Variants in AKAIN1 observed in about 807,000 individuals in gnomAD.
AKAIN1 encodes the protein A-kinase anchor inhibitor 1, also known as A-kinase anchor protein inhibitor 1.
In AKAIN1, 3 loss-of-function variants were observed where a neutral mutation model predicts 3.7. That is an observed-to-expected ratio of 0.82 (90% CI 0.37 to 2.12). AKAIN1 has a LOEUF of 2.12. Among genes scored for constraint, AKAIN1 ranks in the 30% most tolerant of loss-of-function variants. AKAIN1 has a pLI of 0.06. For synonymous variants in AKAIN1, 31 were observed against 30.8 expected (o/e 1.01, Z -0.02); for missense variants, 82 against 82.7 (o/e 0.99, Z 0.03).
At chr18:5,168,902 A>G (rs2143344296) in intron 1 of AKAIN1, among the ~76,000 whole-genome samples, 1 of 151,974 alleles carries the variant, frequency 6.6e-6, no homozygotes, top group South Asian at 2.1e-4. Context: ...AAACAACAAC[A>G]AAAAGGGATG....
chr18:5,161,433 T>C (rs2071138829), intron 1 of AKAIN1, among the ~76,000 whole-genome samples: 1 of 152,170 alleles, frequency 6.6e-6, no homozygotes, highest in Non-Finnish European at 1.5e-5. Flanking sequence ...AATAATCTGT[T>C]GAAACTTCCA....
At position 5,155,144 on chromosome 18, in the gene AKAIN1, C is replaced by T. The variant is rs564339555; in HGVS notation, c.17-9389G>A. Reference sequence around the variant, plus strand: ...CAAGTAATCTGCCCACCTCAGCCTCCCAAAGTATTGAGATGACAGGCGCGA... The same window carrying T: ...CAAGTAATCTGCCCACCTCAGCCTCTCAAAGTATTGAGATGACAGGCGCGA... On this transcript the variant is annotated intron_variant, in intron 1 of 1. Coordinates refer to ENST00000434239, the MANE Select transcript of AKAIN1 (RefSeq NM_001145194.2). 4.5e-4 allele frequency among the ~76,000 whole-genome samples: 69 copies of T among 152,186 alleles called. 2 individuals carry two copies. The Middle Eastern group carries it at 0.02, about 45-fold the overall frequency.
chr18:5,182,426 G>A (rs964337349), intron 1 of AKAIN1, among the ~76,000 whole-genome samples: 1 of 151,962 alleles, frequency 6.6e-6, no homozygotes, highest in Admixed American at 6.6e-5. Flanking sequence ...TACCACTCTG[G>A]AAAACAGATA....
At chr18:5,175,229 GC>G (rs1269805293) in intron 1 of AKAIN1, among the ~76,000 whole-genome samples, 1 of 152,080 alleles carries the variant, frequency 6.6e-6, no homozygotes, top group Non-Finnish European at 1.5e-5. Context: ...CCTTAGCAAT[GC>G]CCCACAAGCA....
intron 1 of AKAIN1, among the ~76,000 whole-genome samples, chr18:5,169,012 C>T (rs1379311119): frequency 2.0e-5 from 3 of 151,912 alleles, no homozygotes; most frequent in African/African-American, 7.2e-5. Context: ...GGAAGTGGTT[C>T]ATGTGTTTGT....
chr18:5,185,640 G>A lies in AKAIN1; in HGVS notation c.16+11398C>T, dbSNP rs976439802. 2.0e-5 allele frequency among the ~76,000 whole-genome samples: 3 copies of A among 151,918 alleles called. No homozygotes were observed. In the East Asian group the frequency reaches 5.8e-4, roughly 30 times the overall value. On this transcript the variant is annotated intron_variant, in intron 1 of 1. Transcript: ENST00000434239. Reference sequence around the variant, plus strand: ...CTAGAGAAATGAAAATTAAAACAACGAGGTACCATCCCACAACAATCAGAG... The same window carrying A: ...CTAGAGAAATGAAAATTAAAACAACAAGGTACCATCCCACAACAATCAGAG...
chr18:5,147,352 A>G (rs2071055077), intron 1 of AKAIN1, among the ~76,000 whole-genome samples: 1 of 152,228 alleles, frequency 6.6e-6, no homozygotes, highest in Non-Finnish European at 1.5e-5. Flanking sequence ...ATTGTGCAGT[A>G]GATGTAATAC....
At chr18:5,179,121 A>G (rs1353189802) in intron 1 of AKAIN1, among the ~76,000 whole-genome samples, 2 of 152,148 alleles carry the variant, frequency 1.3e-5, no homozygotes, top group Non-Finnish European at 2.9e-5. Context: ...TTAGTGGTGA[A>G]GTTTGGGCTT....
chr18:5,185,224 C>T (rs1254327233), intron 1 of AKAIN1, among the ~76,000 whole-genome samples: 2 of 152,114 alleles, frequency 1.3e-5, no homozygotes, highest in East Asian at 3.9e-4. Flanking sequence ...ATATGTAAAA[C>T]TTAAAACTAT....
intron 1 of AKAIN1, among the ~76,000 whole-genome samples, chr18:5,192,385 T>TTTCTTTCTTTCTTTCTTTC (rs572080430): frequency 9.3e-6 from 1 of 106,990 alleles, no homozygotes; most frequent in Non-Finnish European, 1.9e-5. Context: ...ACAGAGCTAA[T>TTTCTTTCTTTCTTTCTTTC]TTTCTTTCTT....
chr18:5,146,343 A>G (rs1439991762), intron 1 of AKAIN1, among the ~76,000 whole-genome samples: 1 of 152,210 alleles, frequency 6.6e-6, no homozygotes, highest in Non-Finnish European at 1.5e-5. Flanking sequence ...CTGGGCAGAA[A>G]GAAGCAGACT....
intron 1 of AKAIN1, among the ~76,000 whole-genome samples, chr18:5,194,216 C>G (rs1224034836): frequency 6.6e-6 from 1 of 152,028 alleles, no homozygotes; most frequent in African/African-American, 2.4e-5. Context: ...GTAATTAACT[C>G]CTTAAAAAAT....
At position 5,186,755 on chromosome 18, in the gene AKAIN1, T is replaced by C. The variant is rs144661709; in HGVS notation, c.16+10283A>G. On this transcript the variant is annotated intron_variant, in intron 1 of 1. Coordinates refer to ENST00000434239, the MANE Select transcript of AKAIN1 (RefSeq NM_001145194.2). ...AAAATATACATTGTTTTAAAGTGCA[T>C]GTAAAACATTCACCAAGATAGACCA... 2.4e-4 allele frequency among the ~76,000 whole-genome samples: 37 copies of C among 152,298 alleles called. 2 individuals are homozygous for C. The East Asian group carries it at 7.1e-3, about 29-fold the overall frequency.
chr18:5,181,925 A>G (rs185536908), intron 1 of AKAIN1, among the ~76,000 whole-genome samples: 1 of 152,166 alleles, frequency 6.6e-6, no homozygotes, highest in African/African-American at 2.4e-5. Flanking sequence ...TATTAAAAAC[A>G]TAATGCACTA....
chr18:5,146,487 A>T (rs2071050004), intron 1 of AKAIN1, among the ~76,000 whole-genome samples: 1 of 152,220 alleles, frequency 6.6e-6, no homozygotes, highest in South Asian at 2.1e-4. Flanking sequence ...GCAGCCAAAT[A>T]CATGCCTAGT....
At chr18:5,158,236 A>T (rs917267984) in intron 1 of AKAIN1, among the ~76,000 whole-genome samples, 4 of 151,886 alleles carry the variant, frequency 2.6e-5, no homozygotes, top group African/African-American at 9.7e-5. Context: ...TCTTCCCCCA[A>T]TTTCTCTGCT....
chr18:5,143,609 T>C lies in AKAIN1; in HGVS notation c.*1953A>G, dbSNP rs1235918150. On this transcript the variant is annotated 3_prime_UTR_variant, in exon 2 of 2. Transcript: ENST00000434239. ...TTTGAAAATAGCCTTGGAAGTCTCA[T>C]GGTTCCAAATAATGGTAAGATCCAC... Among the ~76,000 whole-genome samples the C allele has an allele frequency of 6.6e-6, 1 of 152,192 alleles. No individual in the cohort carries two copies. The highest frequency in any genetic ancestry group is 1.5e-5 in the Non-Finnish European group (1 of 68,034).
In AKAIN1 at chr18:5,189,639, C is replaced by A. The variant is rs185104675; in HGVS notation, c.16+7399G>T. 5.3e-4 allele frequency among the ~76,000 whole-genome samples: 80 copies of A among 152,240 alleles called. 2 individuals are homozygous for A. Among genetic ancestry groups the A allele is most frequent in the African/African-American group, 1.8e-3 (75 of 41,564 alleles). The stretch of plus-strand genomic sequence containing the variant: ...GATGGCCTTTACTCCAATTTTCAAC[C>A]CCTTGTTCTTCATTTTCATCTGAGG... On this transcript the variant is annotated intron_variant, in intron 1 of 1. Coordinates refer to ENST00000434239, the MANE Select transcript of AKAIN1 (RefSeq NM_001145194.2).
chr18:5,154,037 G>A (rs1015132751), intron 1 of AKAIN1, among the ~76,000 whole-genome samples: 2 of 152,130 alleles, frequency 1.3e-5, no homozygotes, highest in Non-Finnish European at 2.9e-5. Flanking sequence ...ATCGAGACCA[G>A]CCTAAGTAAC....
Sources: allele counts gnomAD v4.1 joint callset (sites outside exome capture counted in the v4.1 genomes callset), GRCh38; gene constraint gnomAD v4.1.1; transcripts MANE v1.5; gene names NCBI Gene and HGNC (gene_info 2026-07-23, HGNC 2026-07-21).